PITRM1: variants seen among roughly 807,000 people sequenced by gnomAD.
PITRM1 encodes pitrilysin metallopeptidase 1.
In PITRM1, 100 loss-of-function variants were observed where a neutral mutation model predicts 129.9. That is an observed-to-expected ratio of 0.77 (90% CI 0.65 to 0.91). The LOEUF (loss-of-function observed/expected upper bound fraction) is 0.91. PITRM1 is among the 40% of genes least tolerant of loss of function. The pLI is 0.00. For missense variants in PITRM1, 1,471 were observed against 1,318.3 expected (o/e 1.12, Z -1.79); for synonymous variants, 591 against 508.8 (o/e 1.16, Z -2.17).
chr10:3,148,374 G>C, intron 16 of PITRM1, 83 bp from the exon 17 acceptor site: 1 of 1,497,406 alleles, frequency 6.7e-7, no homozygotes, highest in South Asian at 1.3e-5. Flanking sequence ...TGAGTTACAA[G>C]TTGCTTCCAT....
intron 15 of PITRM1, 112 bp downstream of exon 15, chr10:3,151,135 C>G (rs1046596263): frequency 1.0e-5 from 7 of 694,834 alleles, no homozygotes; most frequent in Admixed American, 6.2e-5. Context: ...CAGGGCTGCT[C>G]AAGTGTTTCA....
At position 3,147,604 on chromosome 10, in the gene PITRM1, C is replaced by T. The variant is rs1841027412; in HGVS notation, c.2203G>A (p.Asp735Asn). 6.2e-7 allele frequency: 1 copy of T among 1,613,920 alleles called. No individual in the cohort carries two copies. The highest frequency in any genetic ancestry group is 1.7e-5 in the Admixed American group (1 of 60,012). Residue 735 changes from aspartate to asparagine, a missense_variant, in exon 19 of 27, where the codon GAC (aspartate) becomes AAC (asparagine). Coordinates refer to ENST00000224949, the MANE Select transcript of PITRM1 (RefSeq NM_014889.4). ...RAGRTLTPAG[D>N]LQETFSGMDQ... ...ATCCCGCTGAAGGTCTCCTGCAGGT[C>T]CCCTGCGGGCGTGAGGGTCCGGCCT...
chr10:3,137,841 A>G lies in PITRM1; in HGVS notation c.*190T>C, dbSNP rs368584310. On this transcript the variant is annotated 3_prime_UTR_variant, in exon 27 of 27. Transcript: ENST00000224949. ...ATGGTGCATCTTTGGCGCTTCATGC[A>G]TGATTATTTCAATGAACCTCTTCCT... The G allele has an allele frequency of 9.0e-4, 519 of 579,178 alleles. 1 individual carries two copies. In the Middle Eastern group the frequency reaches 0.012, roughly 13 times the overall value. The allele number at this position is 579,178 out of a possible 1,614,324, so 35.9% of individuals were successfully genotyped here. A position where few individuals can be genotyped will look rare whatever the true frequency, so the allele number is the denominator to read the frequency against.
In PITRM1 at chr10:3,157,428, C is replaced by A; in HGVS notation, c.1347+7G>T. ...AACAAAAACAAAATTGTTGAGAGAT[C>A]ACTTACTGATGTCAGCATCAGCCCA... is the stretch of plus-strand genomic sequence containing the variant. On this transcript the variant is annotated splice_region_variant and intron_variant, in intron 12 of 26. Coordinates refer to ENST00000224949, the MANE Select transcript of PITRM1 (RefSeq NM_014889.4). The A allele has an allele frequency of 6.4e-7, 1 of 1,555,242 alleles. No homozygotes were observed. The highest frequency in any genetic ancestry group is 8.8e-7 in the Non-Finnish European group (1 of 1,139,694).
intron 14 of PITRM1, 140 bp downstream of exon 14, chr10:3,155,451 C>T: frequency 1.0e-6 from 1 of 955,656 alleles, no homozygotes; most frequent in East Asian, 2.4e-5. Flanking sequence ...GAACTCAATG[C>T]ATCGAACGTG....
At chr10:3,140,950 T>C in intron 23 of PITRM1, 138 bp from the exon 24 acceptor site, 2 of 813,958 alleles carry the variant, frequency 2.5e-6, no homozygotes, top group Non-Finnish European at 3.9e-6. Flanking sequence ...TATTTTGGTC[T>C]TGTTTTTTAA....
intron 20 of PITRM1, chr10:3,145,948 G>A (rs771529983): frequency 3.9e-5 from 20 of 512,178 alleles, no homozygotes; most frequent in Non-Finnish European, 4.6e-5. Flanking sequence ...GTCCATACGC[G>A]GAGCCTGTGA....
chr10:3,153,211 C>T (rs1841671221), intron 14 of PITRM1, among the ~76,000 whole-genome samples: 1 of 152,222 alleles, frequency 6.6e-6, no homozygotes, highest in South Asian at 2.1e-4. Context: ...GCTCATTAAC[C>T]TACTGGTTTG....
intron 25 of PITRM1, chr10:3,138,691 G>A: frequency 1.5e-6 from 1 of 676,268 alleles, no homozygotes; most frequent in Non-Finnish European, 2.7e-6. Context: ...GGCCCCACTG[G>A]GTCTCAGGTC....
chr10:3,162,550 A>G (rs1336420792), intron 7 of PITRM1, among the ~76,000 whole-genome samples: 2 of 152,212 alleles, frequency 1.3e-5, no homozygotes, highest in African/African-American at 4.8e-5. Flanking sequence ...GCTGACTCTC[A>G]GCATGGACCC....
At chr10:3,144,804 CAAAAT>C (rs1458913216) in intron 21 of PITRM1, among the ~76,000 whole-genome samples, 2 of 151,274 alleles carry the variant, frequency 1.3e-5, no homozygotes, top group African/African-American at 4.9e-5. Flanking sequence ...GACCCTGTCT[CAAAAT>C]AACAAAAACT....
intron 22 of PITRM1, 89 bp from the exon 23 acceptor site, chr10:3,143,590 C>T: frequency 1.1e-6 from 1 of 898,796 alleles, no homozygotes; most frequent in Non-Finnish European, 1.9e-6. Flanking sequence ...TCAGAGGCGG[C>T]TGTGCTCCCA....
At chr10:3,160,576 C>T (rs1014660800) in intron 7 of PITRM1, among the ~76,000 whole-genome samples, 1 of 151,914 alleles carries the variant, frequency 6.6e-6, no homozygotes, top group Non-Finnish European at 1.5e-5. Flanking sequence ...TGTTGTTAAC[C>T]TCTCGCTGTG....
chr10:3,149,931 T>C lies in PITRM1; in HGVS notation c.1739-178A>G, dbSNP rs551482050. 4.6e-5 allele frequency among the ~76,000 whole-genome samples: 7 copies of C among 152,268 alleles called. No homozygotes were observed. In the South Asian group the frequency reaches 6.2e-4, roughly 14 times the overall value. ...GACTAAAAACTGGAACTGTCTTCAA[T>C]AGTAAAGCAACCCGTGCTCTCCAAG... On this transcript the variant is annotated intron_variant, in intron 15 of 26. Transcript: ENST00000224949.
In PITRM1 at chr10:3,147,655, C is replaced by G; in HGVS notation, c.2152G>C (p.Gly718Arg). The change falls in exon 19 of 27, where the codon GGG becomes CGG. Residue 718 changes from glycine (G) to arginine (R), a missense_variant. By Grantham distance (125) the Gly-to-Arg change is moderately radical. Coordinates refer to ENST00000224949, the MANE Select transcript of PITRM1 (RefSeq NM_014889.4). Reference protein sequence around the residue: ...QELANGIPDSGHLYASIRAGR... With the variant: ...QELANGIPDSRHLYASIRAGR... ...GCCCTGATGGATGCGTACAGGTGCC[C>G]AGAGTCAGGAATTCCATTGGCGAGC... 6.2e-7 allele frequency: 1 copy of G among 1,613,842 alleles called. No individual in the cohort carries two copies. The highest frequency in any genetic ancestry group is 8.5e-7 in the Non-Finnish European group (1 of 1,179,834).
chr10:3,158,884 A>C, intron 10 of PITRM1, 30 bp downstream of exon 10: 1 of 1,606,864 alleles, frequency 6.2e-7, no homozygotes, highest in Non-Finnish European at 8.5e-7. Context: ...ACCAATGAGA[A>C]CTACTGATCT....
At chr10:3,168,735 G>A (rs577674579) in intron 2 of PITRM1, among the ~76,000 whole-genome samples, 1 of 152,202 alleles carries the variant, frequency 6.6e-6, no homozygotes, top group East Asian at 1.9e-4. Context: ...GTTTCCTGAG[G>A]CCTCCCCAGC....
chr10:3,169,409 T>C (rs774378388), intron 2 of PITRM1, among the ~76,000 whole-genome samples: 6 of 152,178 alleles, frequency 3.9e-5, no homozygotes, highest in Non-Finnish European at 7.3e-5. Flanking sequence ...CTCCTGCCCT[T>C]GTCCTTGGCC....
At chr10:3,144,201 C>A in intron 22 of PITRM1, 91 bp downstream of exon 22, 1 of 735,016 alleles carries the variant, frequency 1.4e-6, no homozygotes, top group East Asian at 2.7e-5. Context: ...CACAGACAGG[C>A]GGACGGAGGA....
Sources: gnomAD v4.1 joint callset for allele counts (sites outside exome capture counted in the v4.1 genomes callset) on GRCh38, gnomAD v4.1.1 for gene constraint, MANE v1.5 for transcripts, NCBI Gene and HGNC (gene_info 2026-07-23, HGNC 2026-07-21) for gene names.